TENM1: variants seen among roughly 807,000 people sequenced by gnomAD.
TENM1 encodes teneurin transmembrane protein 1.
A neutral mutation model predicts 174.8 loss-of-function variants in TENM1; 35 were observed. The observed-to-expected ratio is 0.20, with a 90% CI of 0.15 to 0.27. The LOEUF is 0.27. Ranked by LOEUF, TENM1 falls within the 10% of genes least tolerant of loss-of-function variation. TENM1 has a pLI of 1.00. For missense variants in TENM1, 1,633 were observed against 2,130.1 expected, an observed-to-expected ratio of 0.77 and a Z score of 4.59; for synonymous variants, 781 against 798.7, an observed-to-expected ratio of 0.98 and a Z score of 0.37.
intron 23 of TENM1, among the ~76,000 whole-genome samples, chrX:124,438,655 T>G (rs1467147724): frequency 8.9e-6 from 1 of 111,931 alleles, no homozygotes; most frequent in Non-Finnish European, 1.9e-5. Flanking sequence ...TACTTGACTT[T>G]TATTTTAAGG....
the TENM1 span, among the ~76,000 whole-genome samples, chrX:124,987,843 A>T: frequency 9.1e-6 from 1 of 110,139 alleles, no homozygotes; most frequent in African/African-American, 3.3e-5. Context: ...ACTCCTCAGG[A>T]TTTTAGAACA....
At position 124,552,827 on chromosome X, in the gene TENM1, T is replaced by G. The variant is rs1015871929; in HGVS notation, c.2435-5737A>C. Among the ~76,000 whole-genome samples, 3 of 111,832 alleles carry G rather than the reference T, an allele frequency of 2.7e-5. No homozygotes were observed. In the Admixed American group the frequency reaches 2.9e-4, roughly 11 times the overall value. On this transcript the variant is annotated intron_variant, in intron 14 of 31. Coordinates refer to ENST00000422452, the Ensembl canonical transcript of TENM1. Reference sequence around the variant, plus strand: ...CCTATGCCTGGAATGTTCTTCTCCCTGGTATCAACATGGCTTAACCTTCAC... The same window carrying G: ...CCTATGCCTGGAATGTTCTTCTCCCGGGTATCAACATGGCTTAACCTTCAC...
chrX:125,094,012 A>T, the TENM1 span, among the ~76,000 whole-genome samples: 4 of 112,200 alleles, frequency 3.6e-5, no homozygotes, highest in African/African-American at 1.3e-4. Context: ...TGCGTGGAAG[A>T]ATTACCACAA....
intron 22 of TENM1, among the ~76,000 whole-genome samples, chrX:124,460,253 A>T (rs887534914): frequency 8.9e-6 from 1 of 111,735 alleles, no homozygotes; most frequent in Admixed American, 9.5e-5. Flanking sequence ...AATATAAATC[A>T]TTCTATTATA....
the TENM1 span, among the ~76,000 whole-genome samples, chrX:125,202,051 T>A: frequency 2.7e-5 from 3 of 110,488 alleles, no homozygotes; most frequent in East Asian, 8.6e-4. Flanking sequence ...TCATTAATTT[T>A]GTTTTTTAAG....
chrX:124,490,309 T>A (rs192610111), intron 20 of TENM1, among the ~76,000 whole-genome samples: 2 of 111,594 alleles, frequency 1.8e-5, no homozygotes, highest in African/African-American at 6.5e-5. Flanking sequence ...ACCTATTTCA[T>A]CTACACGTAG....
chrX:124,530,062 A>T (rs1297474059), intron 15 of TENM1, 79 bp from the exon 19 acceptor site: 4 of 1,068,273 alleles, frequency 3.7e-6, no homozygotes. Flanking sequence ...AACTTTGGAA[A>T]ACAGTCAAGT....
intron 6 of TENM1, among the ~76,000 whole-genome samples, chrX:124,659,234 C>T (rs1442538743): frequency 3.6e-5 from 4 of 111,759 alleles, no homozygotes; most frequent in African/African-American, 1.3e-4. Flanking sequence ...AACATTTACT[C>T]AGACTCATGG....
intron 27 of TENM1, among the ~76,000 whole-genome samples, chrX:124,393,244 AG>A (rs1348292995): frequency 9.1e-6 from 1 of 109,823 alleles, no homozygotes; most frequent in Non-Finnish European, 1.9e-5. Context: ...TAAATGACTT[AG>A]TAAAAAAAAA....
chrX:124,388,016 G>A (rs1449686241), intron 28 of TENM1, among the ~76,000 whole-genome samples: 1 of 112,417 alleles, frequency 8.9e-6, no homozygotes, highest in African/African-American at 3.2e-5. Flanking sequence ...GGGAAAGCAG[G>A]TGGCAGGGGG....
rs368232491 is a variant in TENM1 at position 124,867,444 on chromosome X, C to T, written c.535+26852G>A. Among the ~76,000 whole-genome samples the T allele has an allele frequency of 1.8e-3, 204 of 111,871 alleles. 1 individual carries two copies. Among genetic ancestry groups the T allele is most frequent in the African/African-American group, 6.5e-3 (199 of 30,850 alleles). On this transcript the variant is annotated intron_variant, in intron 3 of 31. Coordinates refer to ENST00000422452, the Ensembl canonical transcript of TENM1. ...CATTTGATAAAATTCAACACCACTTCATGATAAAAACCCTGAGAACACTGG... is the reference window on the plus strand; with the variant it reads ...CATTTGATAAAATTCAACACCACTTTATGATAAAAACCCTGAGAACACTGG...
At chrX:124,951,673 T>TAAAA (rs1556426224) in intron 1 of TENM1, among the ~76,000 whole-genome samples, 1 of 66,078 alleles carries the variant, frequency 1.5e-5, no homozygotes, top group East Asian at 5.0e-4. Flanking sequence ...TATATATATA[T>TAAAA]AACAATCAAT....
chrX:125,112,638 T>C, the TENM1 span, among the ~76,000 whole-genome samples: 1 of 111,614 alleles, frequency 9.0e-6, no homozygotes, highest in African/African-American at 3.3e-5. Flanking sequence ...CTTGTTGGTG[T>C]CAATCACAAA....
At chrX:124,829,899 A>C (rs2056251555) in intron 3 of TENM1, among the ~76,000 whole-genome samples, 1 of 112,092 alleles carries the variant, frequency 8.9e-6, no homozygotes, top group Non-Finnish European at 1.9e-5. Flanking sequence ...CATCTTCATA[A>C]ATATTTATTC....
At chrX:124,735,965 A>C (rs2148548661) in intron 4 of TENM1, among the ~76,000 whole-genome samples, 1 of 111,396 alleles carries the variant, frequency 9.0e-6, no homozygotes, top group South Asian at 3.9e-4. Flanking sequence ...GGGTTAGAAA[A>C]TTACCTATTG....
intron 3 of TENM1, among the ~76,000 whole-genome samples, chrX:124,789,979 T>C (rs1191493068): frequency 6.3e-5 from 7 of 111,980 alleles, no homozygotes; most frequent in African/African-American, 2.3e-4. Flanking sequence ...CAAAACAAAG[T>C]GGTTTATTGG....
chrX:125,134,221 C>T, the TENM1 span, among the ~76,000 whole-genome samples: 1 of 112,160 alleles, frequency 8.9e-6, no homozygotes, highest in East Asian at 2.8e-4. Context: ...TCTGCAGCAG[C>T]CTGCCTCACC....
chrX:124,665,331 A>C (rs2051728252), intron 6 of TENM1, among the ~76,000 whole-genome samples: 1 of 110,933 alleles, frequency 9.0e-6, no homozygotes. Flanking sequence ...CAAGAGCAAA[A>C]CTCCGTCTCA....
At chrX:125,038,970 T>C in the TENM1 span, among the ~76,000 whole-genome samples, 2 of 111,712 alleles carry the variant, frequency 1.8e-5, no homozygotes, top group Non-Finnish European at 1.9e-5. Context: ...GGGACTGACT[T>C]CTTCATGTAT....
Sources: gnomAD v4.1 joint callset for allele counts (sites outside exome capture counted in the v4.1 genomes callset) on GRCh38, gnomAD v4.1.1 for gene constraint, MANE v1.5 for transcripts, NCBI Gene and HGNC (gene_info 2026-07-23, HGNC 2026-07-21) for gene names.